Variants in DPP6 observed in about 807,000 individuals in gnomAD.
DPP6 encodes A-type potassium channel modulatory protein DPP6.
Under a neutral mutation model 122.6 loss-of-function variants are expected in DPP6, and 69 were observed. The observed-to-expected ratio is 0.56, with a 90% CI of 0.46 to 0.69. DPP6 has a LOEUF of 0.69. Among genes scored for constraint, DPP6 ranks in the 30% least tolerant of loss-of-function variants. DPP6 has a pLI of 0.00. For missense variants in DPP6, 928 were observed against 1,116.9 expected (o/e 0.83, Z 2.41); for synonymous variants, 418 against 433.1 (o/e 0.97, Z 0.43).
intron 7 of DPP6, among the ~76,000 whole-genome samples, chr7:154,725,056 C>T (rs1170380545): frequency 6.6e-6 from 1 of 152,120 alleles, no homozygotes; most frequent in African/African-American, 2.4e-5. Context: ...CCTATCAGAC[C>T]ACTGTCCTGC....
At chr7:154,621,725 AG>A (rs1834690062) in intron 5 of DPP6, among the ~76,000 whole-genome samples, 1 of 152,168 alleles carries the variant, frequency 6.6e-6, no homozygotes, top group South Asian at 2.1e-4. Flanking sequence ...CATGATAAAA[AG>A]GGTCTTCCCA....
intron 1 of DPP6, among the ~76,000 whole-genome samples, chr7:154,417,239 A>G (rs1817104415): frequency 6.6e-6 from 1 of 152,184 alleles, no homozygotes; most frequent in Admixed American, 6.5e-5. Context: ...CTTATCTGGA[A>G]TGGTTTCTGT....
intron 1 of DPP6, among the ~76,000 whole-genome samples, chr7:154,166,251 G>C (rs1055424888): frequency 1.3e-5 from 2 of 152,112 alleles, no homozygotes; most frequent in Non-Finnish European, 2.9e-5. Flanking sequence ...AAGCCATGGC[G>C]TGTCACTGTG....
At chr7:154,460,643 A>T (rs1293599559) in intron 2 of DPP6, among the ~76,000 whole-genome samples, 1 of 152,114 alleles carries the variant, frequency 6.6e-6, no homozygotes, top group Non-Finnish European at 1.5e-5. Context: ...CTCTCATCAA[A>T]TAATAAGTTG....
chr7:154,032,099 C>A (rs1799272933), intron 1 of DPP6, among the ~76,000 whole-genome samples: 1 of 150,686 alleles, frequency 6.6e-6, no homozygotes, highest in East Asian at 1.9e-4. Context: ...TGGTCTCGAT[C>A]TCCTGACCTT....
intron 1 of DPP6, among the ~76,000 whole-genome samples, chr7:153,995,710 A>G (rs188521341): frequency 2.6e-5 from 4 of 152,298 alleles, no homozygotes; most frequent in African/African-American, 9.6e-5. Flanking sequence ...AGAATGTGCT[A>G]TCGGCATATA....
rs1803554678 is a variant in DPP6 at position 154,863,095 on chromosome 7, T to A, written c.1715-4900T>A. On this transcript the variant is annotated intron_variant, in intron 17 of 25. Coordinates refer to ENST00000377770, the MANE Select transcript of DPP6 (RefSeq NM_130797.4). This position sits in a 1 kb window ranked among gnomAD's most constrained non-coding sequence, Gnocchi z 4.1. The stretch of plus-strand genomic sequence containing the variant: ...TACATTTTTCTTTGGAGAGATCAGG[T>A]CTCCCTATGTTGCCCAGGCTGGTCT... Among the ~76,000 whole-genome samples, 1 of 152,008 alleles carries A rather than the reference T, an allele frequency of 6.6e-6. No homozygotes were observed. Among genetic ancestry groups the A allele is most frequent in the Admixed American group, 6.6e-5 (1 of 15,266 alleles).
chr7:154,158,631 A>C (rs182186818), intron 1 of DPP6, among the ~76,000 whole-genome samples: 32 of 152,094 alleles, frequency 2.1e-4, no homozygotes, highest in African/African-American at 7.5e-4. Context: ...TTATGAAACA[A>C]CATTCCTCAA....
At chr7:154,068,298 G>T (rs947709144) in intron 1 of DPP6, among the ~76,000 whole-genome samples, 13 of 148,170 alleles carry the variant, frequency 8.8e-5, no homozygotes, top group African/African-American at 3.3e-4. Flanking sequence ...AGAATTGAGA[G>T]ATTACCCAGA....
At chr7:153,965,503 A>G (rs1563056469) in intron 1 of DPP6, among the ~76,000 whole-genome samples, 1 of 151,858 alleles carries the variant, frequency 6.6e-6, no homozygotes, top group Non-Finnish European at 1.5e-5. Context: ...CCATGCACCA[A>G]TTCTTTTTAT....
chr7:154,719,468 G>A (rs1346194669), intron 7 of DPP6, among the ~76,000 whole-genome samples: 1 of 152,194 alleles, frequency 6.6e-6, no homozygotes, highest in Non-Finnish European at 1.5e-5. Context: ...TCTAGTCAGT[G>A]GAGAAGACCA....
chr7:154,319,932 G>A (rs577832702), intron 1 of DPP6, among the ~76,000 whole-genome samples: 11 of 150,814 alleles, frequency 7.3e-5, no homozygotes, highest in East Asian at 2.0e-4. Flanking sequence ...CGGAGGTTGC[G>A]GTGAGCCGAG....
intron 1 of DPP6, among the ~76,000 whole-genome samples, chr7:154,314,648 C>T (rs770516363): frequency 4.6e-5 from 7 of 152,216 alleles, no homozygotes; most frequent in African/African-American, 7.2e-5. Context: ...TCTAATTCAG[C>T]AGTCTAATCT....
the DPP6 span, among the ~76,000 whole-genome samples, chr7:153,791,217 G>A: frequency 1.2e-4 from 19 of 152,164 alleles, no homozygotes; most frequent in South Asian, 2.1e-4. Flanking sequence ...GACTGACTAC[G>A]TCTATATCAT....
At chr7:153,956,690 G>A (rs1802476450) in intron 1 of DPP6, among the ~76,000 whole-genome samples, 1 of 152,126 alleles carries the variant, frequency 6.6e-6, no homozygotes, top group South Asian at 2.1e-4. Context: ...CTTACTTTCA[G>A]CCTGTCATTG....
intron 1 of DPP6, among the ~76,000 whole-genome samples, chr7:154,288,625 G>T (rs1445950539): frequency 6.6e-6 from 1 of 152,150 alleles, no homozygotes; most frequent in African/African-American, 2.4e-5. Flanking sequence ...CTGCATGGAG[G>T]CCATGATTCA....
At chr7:153,968,885 C>G (rs1456330776) in intron 1 of DPP6, 7 of 152,130 alleles carry the variant, frequency 4.6e-5, no homozygotes, top group African/African-American at 1.7e-4. Context: ...TGGCTTCTTT[C>G]ACACAGCGTG....
At chr7:154,813,554 T>C (rs1342379755) in intron 16 of DPP6, among the ~76,000 whole-genome samples, 1 of 152,150 alleles carries the variant, frequency 6.6e-6, no homozygotes, top group Non-Finnish European at 1.5e-5. Flanking sequence ...TCAATATTTA[T>C]ATCTAAAGGA....
intron 4 of DPP6, among the ~76,000 whole-genome samples, chr7:154,563,134 C>T (rs116300946): frequency 0.01 from 1,564 of 152,198 alleles, 26 homozygotes; most frequent in African/African-American, 0.034. Flanking sequence ...ACATGGAAGG[C>T]CTCACTTAGA....
Sources: gnomAD v4.1 joint callset for allele counts (sites outside exome capture counted in the v4.1 genomes callset) on GRCh38, gnomAD v4.1.1 for gene constraint, Gnocchi (gnomAD v3.1) non-coding constraint, MANE v1.5 for transcripts, NCBI Gene and HGNC (gene_info 2026-07-23, HGNC 2026-07-21) for gene names.